KIAA1958: variants seen among roughly 807,000 people sequenced by gnomAD.
KIAA1958 encodes the protein uncharacterized protein KIAA1958.
In KIAA1958, 14 loss-of-function variants were observed where a neutral mutation model predicts 47.2. The ratio of observed to expected loss-of-function variants is 0.30; its 90% CI spans 0.20 to 0.46. The LOEUF is 0.46. KIAA1958 is among the 20% of genes least tolerant of loss of function. The pLI, the probability that KIAA1958 is intolerant of heterozygous loss-of-function variation, is 1.00. For synonymous variants in KIAA1958, 354 were observed against 353.3 expected (o/e 1.00, Z -0.02); for missense variants, 803 against 909.2 (o/e 0.88, Z 1.50).
In KIAA1958 at chr9:112,492,260, T is replaced by C. The variant is rs535792776; in HGVS notation, c.-25+5142T>C. Among the ~76,000 whole-genome samples the C allele has an allele frequency of 2.7e-3, 410 of 152,340 alleles. 2 individuals carry two copies. The highest frequency in any genetic ancestry group is 9.4e-3 in the African/African-American group (391 of 41,570). ...TTAGGTTCTTCTAAGGCCCCTCTCTTGGCTGATGGATGGCTGTCTTCCTAA... is the reference window on the plus strand; with the variant it reads ...TTAGGTTCTTCTAAGGCCCCTCTCTCGGCTGATGGATGGCTGTCTTCCTAA... On this transcript the variant is annotated intron_variant, in intron 1 of 3. Coordinates refer to ENST00000337530, the MANE Select transcript of KIAA1958 (RefSeq NM_133465.4).
intron 2 of KIAA1958, among the ~76,000 whole-genome samples, chr9:112,610,248 A>G (rs1588038662): frequency 6.6e-6 from 1 of 151,946 alleles, no homozygotes; most frequent in African/African-American, 2.4e-5. Flanking sequence ...GGAAATTTAT[A>G]TACTTAAAAA....
chr9:112,574,798 A>AC lies in KIAA1958; in HGVS notation c.719dup (p.His241SerfsTer11). 6.2e-7 allele frequency: 1 copy of AC among 1,614,040 alleles called. No individual in the cohort carries two copies. The highest frequency in any genetic ancestry group is 8.5e-7 in the Non-Finnish European group (1 of 1,179,980). On this transcript the variant is annotated frameshift_variant, in exon 2 of 4. Coordinates refer to ENST00000337530, the MANE Select transcript of KIAA1958 (RefSeq NM_133465.4). LOFTEE classifies it high-confidence loss of function. ...ACAGATGGCAAAACCCAAGCCTCAG[A>AC]CTCACGCTGGTCCCTCCTGTGTAGG...
intron 1 of KIAA1958, among the ~76,000 whole-genome samples, chr9:112,487,942 T>TGTGC (rs1186148081): frequency 5.5e-5 from 5 of 90,640 alleles, no homozygotes; most frequent in African/African-American, 1.6e-4. Flanking sequence ...ATTTAGTGTG[T>TGTGC]GTGCGTGTGT....
At chr9:112,497,863 C>T (rs1010271921) in intron 1 of KIAA1958, among the ~76,000 whole-genome samples, 6 of 152,134 alleles carry the variant, frequency 3.9e-5, no homozygotes, top group African/African-American at 1.4e-4. Flanking sequence ...CAAAACTCAG[C>T]ATCTATTGTC....
intron 2 of KIAA1958, among the ~76,000 whole-genome samples, chr9:112,613,460 A>T (rs898787270): frequency 3.3e-5 from 5 of 152,240 alleles, no homozygotes; most frequent in African/African-American, 1.2e-4. Context: ...GGCAAAAAGC[A>T]TGAATCATAA....
chr9:112,651,279 C>G (rs1837050794), intron 3 of KIAA1958, among the ~76,000 whole-genome samples: 1 of 151,794 alleles, frequency 6.6e-6, no homozygotes, highest in Non-Finnish European at 1.5e-5. Context: ...TAAAACAAAT[C>G]TCAATTAATT....
intron 2 of KIAA1958, chr9:112,619,111 T>A: frequency 2.4e-6 from 1 of 411,410 alleles, no homozygotes; most frequent in Non-Finnish European, 3.4e-6. Context: ...TTTATAGGCT[T>A]AAGACAAATG....
Position 112,650,711 on chromosome 9 carries a change from A to G in KIAA1958, c.1344+4889A>G, listed in dbSNP as rs542453078. Reference sequence around the variant, plus strand: ...GGTAGCTGTAAACCCAGCTATCTTGATAATTATATCTACCCATGAAAAGAG... The same window carrying G: ...GGTAGCTGTAAACCCAGCTATCTTGGTAATTATATCTACCCATGAAAAGAG... On this transcript the variant is annotated intron_variant, in intron 3 of 3. Transcript: ENST00000337530. 3.9e-5 allele frequency among the ~76,000 whole-genome samples: 6 copies of G among 152,322 alleles called. 1 individual carries two copies. In the East Asian group the frequency reaches 7.7e-4, roughly 20 times the overall value.
intron 2 of KIAA1958, among the ~76,000 whole-genome samples, chr9:112,615,203 C>T (rs921805264): frequency 6.6e-6 from 1 of 152,032 alleles, no homozygotes; most frequent in African/African-American, 2.4e-5. Flanking sequence ...GGCAGATCAC[C>T]TGAGGTCAGG....
At chr9:112,594,799 CCAAT>C (rs1390623537) in intron 2 of KIAA1958, among the ~76,000 whole-genome samples, 1 of 152,140 alleles carries the variant, frequency 6.6e-6, no homozygotes, top group Non-Finnish European at 1.5e-5. Flanking sequence ...TGATGAATTA[CCAAT>C]CAAATTGTTT....
chr9:112,488,047 C>G (rs1833899392), intron 1 of KIAA1958, among the ~76,000 whole-genome samples: 1 of 151,782 alleles, frequency 6.6e-6, no homozygotes, highest in Non-Finnish European at 1.5e-5. Context: ...CCTCTCCCGA[C>G]GAAATAAACA....
At chr9:112,651,002 C>T (rs967217008) in intron 3 of KIAA1958, among the ~76,000 whole-genome samples, 2 of 152,112 alleles carry the variant, frequency 1.3e-5, no homozygotes, top group African/African-American at 4.8e-5. Context: ...CATGTGTATA[C>T]ACTTAAAAAC....
intron 1 of KIAA1958, among the ~76,000 whole-genome samples, chr9:112,563,313 T>G (rs1835371093): frequency 6.6e-6 from 1 of 152,112 alleles, no homozygotes; most frequent in Non-Finnish European, 1.5e-5. Context: ...TAGATAAATT[T>G]GGGAATAATT....
chr9:112,592,599 A>T (rs1333038531), intron 2 of KIAA1958, among the ~76,000 whole-genome samples: 2 of 152,228 alleles, frequency 1.3e-5, no homozygotes, highest in African/African-American at 4.8e-5. Context: ...GTGATTGATA[A>T]CTATTAGCTG....
Position 112,525,941 on chromosome 9 carries a change from T to C in KIAA1958, c.-25+38823T>C, listed in dbSNP as rs181857182. ...TCTTTCTTCTTCTTCTTCTTCTTCT[T>C]CTTCTTCTTCTTCTTCTTCTTCTTC... On this transcript the variant is annotated intron_variant, in intron 1 of 3. Coordinates refer to ENST00000337530, the MANE Select transcript of KIAA1958 (RefSeq NM_133465.4). Among the ~76,000 whole-genome samples the C allele has an allele frequency of 1.3e-3, 17 of 12,862 alleles. 1 individual carries two copies. Among genetic ancestry groups the C allele is most frequent in the Admixed American group, 2.7e-3 (3 of 1,124 alleles). The allele number at this position is 12,862 out of a possible 152,430, so 8.4% of individuals were successfully genotyped here.
At chr9:112,614,493 T>C (rs1052207272) in intron 2 of KIAA1958, among the ~76,000 whole-genome samples, 1 of 152,228 alleles carries the variant, frequency 6.6e-6, no homozygotes, top group African/African-American at 2.4e-5. Flanking sequence ...TGTAATAGTT[T>C]TGTATTTTAT....
At chr9:112,604,372 C>T (rs1015303265) in intron 2 of KIAA1958, among the ~76,000 whole-genome samples, 10 of 152,180 alleles carry the variant, frequency 6.6e-5, no homozygotes, top group African/African-American at 1.4e-4. Context: ...TAAAACTTTT[C>T]GATCTGTCGG....
At position 112,613,170 on chromosome 9, in the gene KIAA1958, CTA is replaced by C. The variant is rs1446915482; in HGVS notation, c.1172-32477_1172-32476del. Among the ~76,000 whole-genome samples, 20 of 152,262 alleles carry C rather than the reference CTA, an allele frequency of 1.3e-4. No individual in the cohort carries two copies. In the East Asian group the frequency reaches 3.1e-3, roughly 23 times the overall value. On this transcript the variant is annotated intron_variant, in intron 2 of 3. Transcript: ENST00000337530. ...GATGAGCAGGTGCCTTACTTTTACT[CTA>C]TACCCATTTGTAGCTTTAGAAACTG...
At chr9:112,491,721 C>A (rs1268882526) in intron 1 of KIAA1958, among the ~76,000 whole-genome samples, 2 of 152,070 alleles carry the variant, frequency 1.3e-5, no homozygotes, top group Non-Finnish European at 2.9e-5. Flanking sequence ...CTTTTTAATT[C>A]TAAATAATTA....
Sources: gnomAD v4.1 joint callset for allele counts (sites outside exome capture counted in the v4.1 genomes callset) on GRCh38, gnomAD v4.1.1 for gene constraint, MANE v1.5 for transcripts, NCBI Gene and HGNC (gene_info 2026-07-23, HGNC 2026-07-21) for gene names.